The following IRAK1BP1 variants were observed in gnomAD, a reference collection of about 807,000 sequenced individuals.
The protein encoded by IRAK1BP1 is interleukin 1 receptor associated kinase 1 binding protein 1.
Under a neutral mutation model 28.0 loss-of-function variants are expected in IRAK1BP1, and 24 were observed. That is an observed-to-expected ratio of 0.86 (90% confidence interval 0.62 to 1.20). IRAK1BP1 has a LOEUF of 1.20. Ranked by LOEUF, IRAK1BP1 falls within the 50% of genes most tolerant of loss-of-function variation. IRAK1BP1 has a pLI of 0.00. For synonymous variants in IRAK1BP1, 131 were observed against 116.3 expected (o/e 1.13, Z -0.81); for missense variants, 336 against 316.7 (o/e 1.06, Z -0.46).
At chr6:78,977,828 T>C in the IRAK1BP1 span, among the ~76,000 whole-genome samples, 1 of 152,338 alleles carries the variant, frequency 6.6e-6, no homozygotes, top group African/African-American at 2.4e-5. Context: ...CAGACTGTTC[T>C]TTAGAATCAC....
chr6:78,946,591 C>G, downstream of IRAK1BP1: 1 of 1,418,774 alleles, frequency 7.0e-7, no homozygotes, highest in Non-Finnish European at 9.1e-7. Flanking sequence ...TAGGAACTTG[C>G]ATGTCAAATT....
chr6:78,893,759 C>G (rs1582017546), intron 2 of IRAK1BP1, among the ~76,000 whole-genome samples: 1 of 152,070 alleles, frequency 6.6e-6, no homozygotes, highest in South Asian at 2.1e-4. Flanking sequence ...CAGAAATCAG[C>G]CAGGCATGGT....
chr6:78,896,824 C>CAA (rs36004777), intron 2 of IRAK1BP1, among the ~76,000 whole-genome samples: 1 of 132,442 alleles, frequency 7.6e-6, no homozygotes, highest in Non-Finnish European at 1.6e-5. Context: ...GACCCTGGCT[C>CAA]AAAAAAAAAA....
chr6:78,919,003 T>G (rs1375257047), intron 4 of IRAK1BP1, among the ~76,000 whole-genome samples: 1 of 152,032 alleles, frequency 6.6e-6, no homozygotes, highest in Non-Finnish European at 1.5e-5. Flanking sequence ...CCAAACATAC[T>G]CTATGACCAC....
rs58937738 is a variant in IRAK1BP1 at position 78,898,411 on chromosome 6, AATATATAT to A, written c.*104_*111del. On this transcript the variant is annotated 3_prime_UTR_variant, in exon 4 of 4. Transcript: ENST00000369940. ...TTTTATAATGTTTACGTTTGTCCTG[AATATATAT>A]ATATATATATATATATATATATATA... The A allele has an allele frequency of 4.6e-3, 398 of 86,512 alleles. 7 individuals are homozygous for A. Among genetic ancestry groups the A allele is most frequent in the African/African-American group, 0.017 (257 of 15,466 alleles). 5.4% of individuals were successfully genotyped at this position (86,512 alleles called of 1,614,324 possible).
chr6:78,969,522 T>C, the IRAK1BP1 span, among the ~76,000 whole-genome samples: 19 of 152,214 alleles, frequency 1.2e-4, no homozygotes, highest in Admixed American at 2.0e-4. Flanking sequence ...ATACATCTTG[T>C]TAAGCTTCTT....
In IRAK1BP1 at chr6:78,901,835, T is replaced by A. The variant is rs757068879; in HGVS notation, c.*3501T>A. On this transcript the variant is annotated 3_prime_UTR_variant, in exon 4 of 4. Transcript: ENST00000369940. ...ACAAATAGGACTTAGAAAAATAATTTGTAACTCAAGATGCTGTACCTCATC... is the reference window on the plus strand; with the variant it reads ...ACAAATAGGACTTAGAAAAATAATTAGTAACTCAAGATGCTGTACCTCATC... 1.1e-4 allele frequency: 16 copies of A among 152,170 alleles called. No individual in the cohort carries two copies. The highest frequency in any genetic ancestry group is 2.1e-4 in the Non-Finnish European group (14 of 68,012). The allele number at this position is 152,170 out of a possible 1,614,324, so 9.4% of individuals were successfully genotyped here.
intron 4 of IRAK1BP1, among the ~76,000 whole-genome samples, chr6:78,934,788 G>A (rs1047428711): frequency 3.9e-5 from 6 of 152,142 alleles, no homozygotes; most frequent in Non-Finnish European, 1.5e-5. Context: ...CGACTTTGCT[G>A]GGGTTCCTCT....
At chr6:78,933,393 G>T (rs945537747) in intron 4 of IRAK1BP1, among the ~76,000 whole-genome samples, 1 of 152,160 alleles carries the variant, frequency 6.6e-6, no homozygotes, top group Non-Finnish European at 1.5e-5. Flanking sequence ...TGAGGCGGGC[G>T]GATCACGAGG....
chr6:78,939,429 AT>A (rs1773387097), intron 4 of IRAK1BP1: 1 of 151,864 alleles, frequency 6.6e-6, no homozygotes, highest in Non-Finnish European at 1.5e-5. Flanking sequence ...ATAAAAAGTG[AT>A]TTGGCCTATT....
chr6:78,867,941 T>C, intron 1 of IRAK1BP1, 50 bp downstream of exon 1: 1 of 1,484,034 alleles, frequency 6.7e-7, no homozygotes, highest in Admixed American at 2.3e-5. Context: ...ACAAAAGGGT[T>C]GGCAGATGGT....
rs1414815939 is a variant in IRAK1BP1, at chr6:78,898,667, A to G, written c.*333A>G. 1 of 151,696 alleles carries G rather than the reference A, an allele frequency of 6.6e-6. No homozygotes were observed. Among genetic ancestry groups the G allele is most frequent in the African/African-American group, 2.4e-5 (1 of 41,344 alleles). 9.4% of individuals were successfully genotyped at this position (151,696 alleles called of 1,614,324 possible). On this transcript the variant is annotated 3_prime_UTR_variant, in exon 4 of 4. Coordinates refer to ENST00000369940, the MANE Select transcript of IRAK1BP1 (RefSeq NM_001010844.4). Reference sequence around the variant, plus strand: ...TTGACCCTTGCATTTCATAATTTTTAAAGATATTTAAGCTAAAATTTTCTC... The same window carrying G: ...TTGACCCTTGCATTTCATAATTTTTGAAGATATTTAAGCTAAAATTTTCTC...
At chr6:78,934,003 T>C (rs928894691) in intron 4 of IRAK1BP1, among the ~76,000 whole-genome samples, 1 of 152,192 alleles carries the variant, frequency 6.6e-6, no homozygotes, top group Non-Finnish European at 1.5e-5. Flanking sequence ...TAGCTTTTGA[T>C]GAAAGTGAGA....
chr6:78,908,980 C>G (rs1225635372), intron 4 of IRAK1BP1, among the ~76,000 whole-genome samples: 1 of 152,136 alleles, frequency 6.6e-6, no homozygotes, highest in African/African-American at 2.4e-5. Flanking sequence ...TGTCAGCCAG[C>G]CTTTGGCATT....
At chr6:78,957,746 G>A in the IRAK1BP1 span, 1 of 151,730 alleles carries the variant, frequency 6.6e-6, no homozygotes, top group Non-Finnish European at 1.5e-5. Flanking sequence ...ACAAAATATA[G>A]AATTCATTTC....
intron 2 of IRAK1BP1, among the ~76,000 whole-genome samples, chr6:78,896,112 C>T (rs1771872782): frequency 6.6e-6 from 1 of 152,080 alleles, no homozygotes; most frequent in Non-Finnish European, 1.5e-5. Context: ...AATGGAGAAA[C>T]ACTTCTTGTT....
intron 2 of IRAK1BP1, among the ~76,000 whole-genome samples, chr6:78,890,093 A>G (rs1771585121): frequency 6.6e-6 from 1 of 152,186 alleles, no homozygotes; most frequent in African/African-American, 2.4e-5. Context: ...TGCAGCCATA[A>G]AAAAGGATGC....
chr6:78,919,956 C>T (rs1027609254), intron 4 of IRAK1BP1, among the ~76,000 whole-genome samples: 9 of 152,130 alleles, frequency 5.9e-5, no homozygotes, highest in African/African-American at 2.2e-4. Context: ...TCCAGCAGCA[C>T]ATCAAAAAGT....
the IRAK1BP1 span, among the ~76,000 whole-genome samples, chr6:78,965,239 G>C: frequency 3.3e-5 from 5 of 152,140 alleles, no homozygotes. Flanking sequence ...TATTAGCTTT[G>C]ACGGTTTCTA....
Sources: allele counts gnomAD v4.1 joint callset (sites outside exome capture counted in the v4.1 genomes callset), GRCh38; gene constraint gnomAD v4.1.1; transcripts MANE v1.5; gene names NCBI Gene and HGNC (gene_info 2026-07-23, HGNC 2026-07-21).